Variants in ME1 observed in about 807,000 individuals in gnomAD.
ME1 encodes the protein malic enzyme 1.
ME1 carries 74 observed loss-of-function variants against 66.4 expected under a neutral mutation model. That is an observed-to-expected ratio of 1.11 (90% confidence interval 0.92 to 1.35). The LOEUF is 1.35. ME1 is among the 40% of genes most tolerant of loss of function. The pLI is 0.00. For synonymous variants in ME1, 251 were observed against 235.6 expected, an observed-to-expected ratio of 1.07 and a Z score of -0.60; for missense variants, 750 against 694.1, an observed-to-expected ratio of 1.08 and a Z score of -0.90.
At chr6:83,234,040 C>A (rs1790349379) in intron 9 of ME1, among the ~76,000 whole-genome samples, 1 of 152,044 alleles carries the variant, frequency 6.6e-6, no homozygotes, top group Non-Finnish European at 1.5e-5. Context: ...AAGTAAAAGA[C>A]ACGAAGTAAG....
chr6:83,320,133 G>A (rs2128540179), intron 5 of ME1, among the ~76,000 whole-genome samples: 1 of 152,276 alleles, frequency 6.6e-6, no homozygotes, highest in African/African-American at 2.4e-5. Flanking sequence ...AGGTCCAGCT[G>A]TGCCAGGCAT....
chr6:83,234,278 T>C (rs564525157), intron 9 of ME1, among the ~76,000 whole-genome samples: 1 of 152,188 alleles, frequency 6.6e-6, no homozygotes. Context: ...AGGACAACAA[T>C]TTGTATAGCT....
intron 6 of ME1, among the ~76,000 whole-genome samples, chr6:83,274,038 C>A (rs984113570): frequency 4.6e-5 from 7 of 152,158 alleles, no homozygotes; most frequent in African/African-American, 1.7e-4. Flanking sequence ...TGCTACCTTT[C>A]CAAAATCTGG....
Position 83,340,323 on chromosome 6 carries a change from C to T in ME1, c.600+5850G>A, listed in dbSNP as rs193092316. Among the ~76,000 whole-genome samples, 45 of 152,230 alleles carry T rather than the reference C, an allele frequency of 3.0e-4. No individual in the cohort carries two copies. The East Asian group carries it at 7.3e-3, about 25-fold the overall frequency. On this transcript the variant is annotated intron_variant, in intron 5 of 13. Coordinates refer to ENST00000369705, the MANE Select transcript of ME1 (RefSeq NM_002395.6). ...ATAAAAAAGAAAACAGCAGTGATAA[C>T]GGGTGTCCTGTCTTTTAAAATAATG...
intron 7 of ME1, among the ~76,000 whole-genome samples, chr6:83,252,294 CTGT>C (rs983284403): frequency 3.4e-5 from 5 of 148,552 alleles, no homozygotes; most frequent in African/African-American, 7.4e-5. Context: ...GTTGTTGTTG[CTGT>C]TGTTGTTGTT....
intron 7 of ME1, among the ~76,000 whole-genome samples, chr6:83,250,630 A>T (rs1161679594): frequency 1.3e-5 from 2 of 152,158 alleles, no homozygotes; most frequent in African/African-American, 2.4e-5. Context: ...TTCTAACTTC[A>T]CTGGCACTTT....
chr6:83,409,346 C>G (rs978370680), intron 1 of ME1, among the ~76,000 whole-genome samples: 3 of 152,184 alleles, frequency 2.0e-5, no homozygotes, highest in African/African-American at 4.8e-5. Context: ...AGTGATTCTA[C>G]AATCATTCCT....
chr6:83,235,088 T>C (rs1790374026), intron 9 of ME1, among the ~76,000 whole-genome samples: 2 of 152,162 alleles, frequency 1.3e-5, no homozygotes, highest in South Asian at 4.1e-4. Context: ...ATTTAAGATA[T>C]CCATGGAGAC....
intron 3 of ME1, among the ~76,000 whole-genome samples, chr6:83,375,733 T>A (rs551992054): frequency 6.6e-6 from 1 of 152,202 alleles, no homozygotes; most frequent in Non-Finnish European, 1.5e-5. Context: ...TGTGGGTGTG[T>A]CATAAATGGC....
At chr6:83,259,129 T>C (rs773737359) in intron 6 of ME1, among the ~76,000 whole-genome samples, 1 of 152,150 alleles carries the variant, frequency 6.6e-6, no homozygotes, top group Non-Finnish European at 1.5e-5. Context: ...TAGTAAAATG[T>C]TTTTATAGGA....
intron 6 of ME1, among the ~76,000 whole-genome samples, chr6:83,299,711 C>T (rs2128536456): frequency 6.6e-6 from 1 of 152,188 alleles, no homozygotes; most frequent in East Asian, 1.9e-4. Flanking sequence ...AGTTTTTGCC[C>T]ATTCAGTATG....
At chr6:83,425,048 TGTCATACAG>T (rs1770342856) in intron 1 of ME1, among the ~76,000 whole-genome samples, 1 of 152,244 alleles carries the variant, frequency 6.6e-6, no homozygotes, top group South Asian at 2.1e-4. Flanking sequence ...GGTCTCAATC[TGTCATACAG>T]GCTGGAGTGC....
chr6:83,254,871 T>C lies in ME1; in HGVS notation c.705-1133A>G, dbSNP rs138349450. Among the ~76,000 whole-genome samples, 266 of 152,284 alleles carry C rather than the reference T, an allele frequency of 1.7e-3. 2 individuals carry two copies. Among genetic ancestry groups the C allele is most frequent in the Admixed American group, 4.8e-3 (74 of 15,282 alleles). Reference sequence around the variant, plus strand: ...ACAAAATCAAAGCTATAGTTACTTATCTTTCTTCCCTCTGATGTCAAACCT... The same window carrying C: ...ACAAAATCAAAGCTATAGTTACTTACCTTTCTTCCCTCTGATGTCAAACCT... On this transcript the variant is annotated intron_variant, in intron 6 of 13. Transcript: ENST00000369705.
chr6:83,322,412 AG>A (rs1395087738), intron 5 of ME1, among the ~76,000 whole-genome samples: 1 of 152,178 alleles, frequency 6.6e-6, no homozygotes, highest in Non-Finnish European at 1.5e-5. Flanking sequence ...CCTTGATAAA[AG>A]GTTAGAGGAA....
At chr6:83,307,116 C>T (rs1226887320) in intron 6 of ME1, among the ~76,000 whole-genome samples, 1 of 151,836 alleles carries the variant, frequency 6.6e-6, no homozygotes, top group Non-Finnish European at 1.5e-5. Flanking sequence ...AGTATACATC[C>T]ACTTTAAATC....
intron 8 of ME1, among the ~76,000 whole-genome samples, chr6:83,238,315 A>G (rs551300748): frequency 1.3e-5 from 2 of 152,298 alleles, no homozygotes; most frequent in African/African-American, 4.8e-5. Context: ...GTGCTGTGAA[A>G]TTTATTGCAA....
At chr6:83,310,358 C>A (rs1228323504) in intron 6 of ME1, among the ~76,000 whole-genome samples, 1 of 152,212 alleles carries the variant, frequency 6.6e-6, no homozygotes, top group Non-Finnish European at 1.5e-5. Context: ...GTCATGGTGC[C>A]TGCAGGCAGC....
chr6:83,301,668 T>A (rs573102612), intron 6 of ME1, among the ~76,000 whole-genome samples: 1 of 152,206 alleles, frequency 6.6e-6, no homozygotes, highest in Admixed American at 6.5e-5. Flanking sequence ...GAAGAAGATA[T>A]ATATGCAGCC....
intron 2 of ME1, among the ~76,000 whole-genome samples, chr6:83,404,460 C>T (rs1167345397): frequency 6.6e-6 from 1 of 152,128 alleles, no homozygotes; most frequent in African/African-American, 2.4e-5. Flanking sequence ...TGCCTGTTCA[C>T]TCCGATGATA....
Sources: gnomAD v4.1 joint callset for allele counts (sites outside exome capture counted in the v4.1 genomes callset) on GRCh38, gnomAD v4.1.1 for gene constraint, MANE v1.5 for transcripts, NCBI Gene and HGNC (gene_info 2026-07-23, HGNC 2026-07-21) for gene names.